The following COLEC11 variants were observed in gnomAD, a reference collection of about 807,000 sequenced individuals.
COLEC11 encodes collectin subfamily member 11, also known as collectin-11.
In COLEC11, 20 loss-of-function variants were observed where a neutral mutation model predicts 27.3. That is an observed-to-expected ratio of 0.73 (90% CI 0.51 to 1.06). COLEC11 has a LOEUF of 1.06. Ranked by LOEUF, COLEC11 falls within the 50% of genes least tolerant of loss-of-function variation. The pLI is 0.00. For synonymous variants in COLEC11, 163 were observed against 154.7 expected (o/e 1.05, Z -0.40); for missense variants, 310 against 383.0 (o/e 0.81, Z 1.59).
intron 1 of COLEC11, chr2:3,603,327 A>ATTT (rs920255070): frequency 1.0e-5 from 2 of 192,954 alleles, no homozygotes; most frequent in South Asian, 2.4e-4. Context: ...ATTATATTTT[A>ATTT]TTTTTTTTTG....
rs765719891 is a variant in COLEC11 at position 3,604,441 on chromosome 2, C to A, written c.101C>A (p.Ser34Tyr). ...CAGCCGGCTGGCGATGACGCCTGCT[C>A]TGTGCAGATCCTCGTCCCTGGCCTC... The part of the protein sequence containing the change: ...HPQPAGDDAC[S>Y]VQILVPGLKG... Residue 34 changes from serine (S) to tyrosine (Y), a missense_variant, in exon 2 of 7, where the codon TCT becomes TAT. Physicochemically the swap from Ser to Tyr is moderately radical, Grantham distance 144. Transcript: ENST00000349077. The A allele has an allele frequency of 2.0e-5, 33 of 1,614,122 alleles. 1 individual carries two copies. In the South Asian group the frequency reaches 3.1e-4, roughly 15 times the overall value.
chr2:3,633,572 C>T (rs999019640), intron 3 of COLEC11, among the ~76,000 whole-genome samples: 1 of 152,120 alleles, frequency 6.6e-6, no homozygotes, highest in Non-Finnish European at 1.5e-5. Flanking sequence ...TGAGCGCGTC[C>T]AGCCTGATCT....
At chr2:3,622,172 A>G (rs1210441757) in intron 3 of COLEC11, among the ~76,000 whole-genome samples, 2 of 151,352 alleles carry the variant, frequency 1.3e-5, no homozygotes, top group Non-Finnish European at 2.9e-5. Flanking sequence ...CCATCTCAAA[A>G]AAAAAAAAAA....
At chr2:3,618,068 A>G (rs7577129) in intron 3 of COLEC11, among the ~76,000 whole-genome samples, 3,620 of 152,284 alleles carry the variant, frequency 0.024, 149 homozygotes, top group African/African-American at 0.08. Context: ...AGTTGTATGA[A>G]TTCCTTACAT....
At chr2:3,621,889 A>G (rs1464122840) in intron 3 of COLEC11, among the ~76,000 whole-genome samples, 2 of 152,168 alleles carry the variant, frequency 1.3e-5, no homozygotes, top group Non-Finnish European at 2.9e-5. Flanking sequence ...TCTATTAACA[A>G]ATCATTGGGC....
intron 4 of COLEC11, among the ~76,000 whole-genome samples, chr2:3,638,265 A>C (rs747629932): frequency 6.6e-6 from 1 of 152,170 alleles, no homozygotes; most frequent in Admixed American, 6.5e-5. Context: ...GCCCCCCGCC[A>C]TCTGGTCAGT....
chr2:3,610,634 C>T (rs545975838), intron 2 of COLEC11, among the ~76,000 whole-genome samples: 34 of 152,296 alleles, frequency 2.2e-4, no homozygotes, highest in Admixed American at 2.2e-3. Context: ...GCTCGTGGCT[C>T]GCTCTGCCCA....
At chr2:3,622,084 G>A (rs1049626568) in intron 3 of COLEC11, among the ~76,000 whole-genome samples, 5 of 151,512 alleles carry the variant, frequency 3.3e-5, no homozygotes, top group Admixed American at 6.6e-5. Flanking sequence ...CAGGAGAATC[G>A]CTTGAACCCG....
intron 3 of COLEC11, among the ~76,000 whole-genome samples, chr2:3,615,448 G>A (rs60287417): frequency 0.67 from 102,198 of 152,114 alleles, 35,068 homozygotes; most frequent in South Asian, 0.83. Flanking sequence ...GAGAGCAGGG[G>A]GTTGGGGGTA....
chr2:3,636,323 C>T (rs1239862298), intron 3 of COLEC11, among the ~76,000 whole-genome samples: 1 of 152,162 alleles, frequency 6.6e-6, no homozygotes, highest in Non-Finnish European at 1.5e-5. Flanking sequence ...GGCGTGGTGG[C>T]GGATGCCTGT....
chr2:3,640,319 A>G lies in COLEC11; in HGVS notation c.316A>G (p.Asn106Asp). ...CGGTGACATAGGACCCCCTGGTCCT[A>G]ATGGAGAACCAGGTATGGCATAAAG... Reference protein sequence around the residue: ...DSGDIGPPGPNGEPGLPCECS... With the variant: ...DSGDIGPPGPDGEPGLPCECS... The change falls in exon 5 of 7, where the codon AAT becomes GAT. Residue 106 changes from asparagine to aspartate, a missense_variant. Coordinates refer to ENST00000349077, the MANE Select transcript of COLEC11 (RefSeq NM_024027.5). 1 of 1,588,118 alleles carries G rather than the reference A, an allele frequency of 6.3e-7. No individual in the cohort carries two copies. Among genetic ancestry groups the G allele is most frequent in the Admixed American group, 1.7e-5 (1 of 59,980 alleles).
chr2:3,628,037 G>A (rs995681452), intron 3 of COLEC11, among the ~76,000 whole-genome samples: 2 of 152,234 alleles, frequency 1.3e-5, no homozygotes, highest in African/African-American at 2.4e-5. Context: ...TTCACAGGGC[G>A]TTGCTGCCAT....
chr2:3,642,817 C>T (rs1048602203), intron 5 of COLEC11, among the ~76,000 whole-genome samples: 2 of 152,310 alleles, frequency 1.3e-5, no homozygotes, highest in East Asian at 1.9e-4. Context: ...GCCTCACCCA[C>T]GGCCTGCAGG....
chr2:3,611,695 G>C (rs2147877530), intron 2 of COLEC11, among the ~76,000 whole-genome samples: 1 of 152,312 alleles, frequency 6.6e-6, no homozygotes, highest in South Asian at 2.1e-4. Context: ...GCGGGGCTGG[G>C]GCTGTGGCAC....
chr2:3,640,150 T>C, intron 4 of COLEC11, 128 bp from the exon 5 acceptor site: 6 of 714,604 alleles, frequency 8.4e-6, no homozygotes, highest in Non-Finnish European at 1.5e-5. Context: ...GGGGCTCCGG[T>C]ACTTTGTAGC....
chr2:3,630,569 G>A (rs1664929022), intron 3 of COLEC11, among the ~76,000 whole-genome samples: 1 of 152,194 alleles, frequency 6.6e-6, no homozygotes, highest in African/African-American at 2.4e-5. Context: ...CAAGAAGTCA[G>A]AAAGAGCCAA....
chr2:3,637,644 C>G (rs753232774), intron 4 of COLEC11, 40 bp downstream of exon 4: 1 of 1,515,500 alleles, frequency 6.6e-7, no homozygotes, highest in Non-Finnish European at 9.2e-7. Flanking sequence ...CCCCCCTGCC[C>G]CTAGGGTCAG....
chr2:3,639,562 G>T (rs1665694488), intron 4 of COLEC11, among the ~76,000 whole-genome samples: 2 of 152,218 alleles, frequency 1.3e-5, no homozygotes, highest in Admixed American at 1.3e-4. Context: ...GGCATTTGGG[G>T]CCTCTCTGTG....
intron 3 of COLEC11, among the ~76,000 whole-genome samples, chr2:3,628,845 A>T (rs942390314): frequency 1.3e-5 from 2 of 152,214 alleles, no homozygotes; most frequent in African/African-American, 4.8e-5. Context: ...GCGTGTCCAG[A>T]GGACAGATGG....
Sources: allele counts gnomAD v4.1 joint callset (sites outside exome capture counted in the v4.1 genomes callset), GRCh38; gene constraint gnomAD v4.1.1; transcripts MANE v1.5; gene names NCBI Gene and HGNC (gene_info 2026-07-23, HGNC 2026-07-21).